CNTN3: variants seen among roughly 807,000 people sequenced by gnomAD.
CNTN3 encodes contactin 3.
CNTN3 carries 60 observed loss-of-function variants against 119.1 expected under a neutral mutation model. The observed-to-expected ratio is 0.50, with a 90% CI of 0.41 to 0.62. The LOEUF is 0.62. CNTN3 is among the 20% of genes least tolerant of loss of function. The probability of loss-of-function intolerance (pLI) is 0.00; values close to 1 mark genes in which losing one functional copy is unlikely to be tolerated. For synonymous variants in CNTN3, 450 were observed against 438.7 expected, an observed-to-expected ratio of 1.03 and a Z score of -0.32; for missense variants, 1,101 against 1,242.4, an observed-to-expected ratio of 0.89 and a Z score of 1.71.
At position 74,424,900 on chromosome 3, in the gene CNTN3, A is replaced by G. The variant is rs769022007; in HGVS notation, c.399T>C (p.Ser133=). 7.4e-6 allele frequency: 12 copies of G among 1,613,554 alleles called. No individual in the cohort carries two copies. The highest frequency in any genetic ancestry group is 1.3e-5 in the African/African-American group (1 of 74,938). ...NFKTKMRSTV[S]VREGQGVVLL... ...GCACAACTCCCTGGCCTTCACGCAC[A>G]GACACTGTACTCCTCATTTTGGTTT... Residue 133 remains serine (S), a synonymous_variant, in exon 5 of 23, where the codon TCT becomes TCC. Coordinates refer to ENST00000263665, the MANE Select transcript of CNTN3 (RefSeq NM_020872.3).
intron 19 of CNTN3, among the ~76,000 whole-genome samples, chr3:74,294,159 A>T (rs1224498106): frequency 1.3e-5 from 2 of 152,224 alleles, no homozygotes; most frequent in East Asian, 3.9e-4. Flanking sequence ...TCCTCAGGGA[A>T]GCTTGGAGGG....
chr3:74,504,673 C>T (rs1168426331), intron 2 of CNTN3, among the ~76,000 whole-genome samples: 2 of 152,128 alleles, frequency 1.3e-5, no homozygotes, highest in Admixed American at 1.3e-4. Flanking sequence ...GTGGCAGATG[C>T]TGCTGGTAGT....
At chr3:74,576,190 A>G (rs952955482) in intron 1 of CNTN3, among the ~76,000 whole-genome samples, 4 of 151,980 alleles carry the variant, frequency 2.6e-5, no homozygotes, top group Non-Finnish European at 2.9e-5. Context: ...ACAGTTGCAA[A>G]CTTTTCCTGG....
chr3:74,526,461 T>C (rs931357306), intron 1 of CNTN3, among the ~76,000 whole-genome samples: 1 of 151,854 alleles, frequency 6.6e-6, no homozygotes, highest in African/African-American at 2.4e-5. Flanking sequence ...TGTTCATTCA[T>C]AGTCACTCAC....
intron 11 of CNTN3, among the ~76,000 whole-genome samples, chr3:74,352,920 T>C (rs953554967): frequency 1.3e-5 from 2 of 152,094 alleles, no homozygotes; most frequent in African/African-American, 4.8e-5. Flanking sequence ...AGGGAACAAC[T>C]GTTTTGATGG....
At chr3:74,565,220 G>A (rs950655540) in intron 1 of CNTN3, among the ~76,000 whole-genome samples, 1 of 152,138 alleles carries the variant, frequency 6.6e-6, no homozygotes. Flanking sequence ...TGTCTTCTAG[G>A]CAAATTCAAG....
chr3:74,581,063 A>G (rs1462053425), intron 1 of CNTN3, among the ~76,000 whole-genome samples: 1 of 152,178 alleles, frequency 6.6e-6, no homozygotes, highest in Non-Finnish European at 1.5e-5. Flanking sequence ...CTTGTGCTCT[A>G]CCATCAGGAA....
intron 11 of CNTN3, among the ~76,000 whole-genome samples, chr3:74,346,434 A>ACTCT (rs886480880): frequency 6.6e-6 from 1 of 152,052 alleles, no homozygotes; most frequent in African/African-American, 2.4e-5. Context: ...AGGGTCAGAT[A>ACTCT]CTCTCATCTT....
At chr3:74,352,668 G>A (rs867729470) in intron 11 of CNTN3, among the ~76,000 whole-genome samples, 9 of 152,124 alleles carry the variant, frequency 5.9e-5, no homozygotes, top group Non-Finnish European at 1.0e-4. Context: ...ATAACAATAT[G>A]ATAAATTAGA....
At chr3:74,502,266 A>C (rs1703179219) in intron 2 of CNTN3, among the ~76,000 whole-genome samples, 1 of 152,104 alleles carries the variant, frequency 6.6e-6, no homozygotes, top group Non-Finnish European at 1.5e-5. Flanking sequence ...AGAGATAAGA[A>C]AGCAGTGGTT....
chr3:74,602,556 G>A (rs1437493189), intron 1 of CNTN3, among the ~76,000 whole-genome samples: 1 of 151,970 alleles, frequency 6.6e-6, no homozygotes, highest in East Asian at 1.9e-4. Context: ...TCTGCCATAA[G>A]CTGTAGAGAC....
intron 4 of CNTN3, among the ~76,000 whole-genome samples, chr3:74,456,298 A>T (rs1702268477): frequency 6.6e-6 from 1 of 152,088 alleles, no homozygotes; most frequent in Admixed American, 6.6e-5. Flanking sequence ...TTACTTTTAA[A>T]CTGCTTTACA....
chr3:74,339,092 C>A (rs993765222), intron 11 of CNTN3, among the ~76,000 whole-genome samples: 1 of 152,016 alleles, frequency 6.6e-6, no homozygotes, highest in Non-Finnish European at 1.5e-5. Context: ...AGAAACCCTG[C>A]AGAGAAGTAA....
At chr3:74,566,673 T>C (rs1245162033) in intron 1 of CNTN3, among the ~76,000 whole-genome samples, 1 of 152,162 alleles carries the variant, frequency 6.6e-6, no homozygotes, top group Non-Finnish European at 1.5e-5. Context: ...CCTAATCCAG[T>C]AAACTCATCT....
rs530440593 is a variant in CNTN3 at position 74,369,420 on chromosome 3, T to C, written c.762-47A>G. Reference sequence around the variant, plus strand: ...TGTCTGCTATTGTCTGGAAGCCTTTTCAACTTGAGAAAATAAAGCTTTTAA... The same window carrying C: ...TGTCTGCTATTGTCTGGAAGCCTTTCCAACTTGAGAAAATAAAGCTTTTAA... On this transcript the variant is annotated intron_variant, in intron 7 of 22. Transcript: ENST00000263665. 21 of 1,438,800 alleles carry C rather than the reference T, an allele frequency of 1.5e-5. No homozygotes were observed. In the East Asian group the frequency reaches 4.2e-4, roughly 29 times the overall value. 89.1% of individuals were successfully genotyped at this position (1,438,800 alleles called of 1,614,324 possible).
chr3:74,540,124 T>C (rs73839772), intron 1 of CNTN3, among the ~76,000 whole-genome samples: 2 of 152,104 alleles, frequency 1.3e-5, no homozygotes, highest in African/African-American at 4.8e-5. Flanking sequence ...AAGAAGTATA[T>C]AGCTGAAATA....
intron 5 of CNTN3, among the ~76,000 whole-genome samples, chr3:74,396,107 C>T (rs775671982): frequency 5.9e-5 from 9 of 152,094 alleles, no homozygotes; most frequent in South Asian, 2.1e-4. Context: ...CCCTATTTGC[C>T]GAGACATAAC....
chr3:74,318,312 C>T (rs565137207), intron 13 of CNTN3, among the ~76,000 whole-genome samples: 49 of 152,210 alleles, frequency 3.2e-4, no homozygotes, highest in Middle Eastern at 3.4e-3. Context: ...GTAGTTTGAT[C>T]GTCTGAAGTC....
chr3:74,387,825 T>C (rs1276796060), intron 5 of CNTN3, among the ~76,000 whole-genome samples: 2 of 152,180 alleles, frequency 1.3e-5, no homozygotes, highest in Admixed American at 6.5e-5. Context: ...CAGATATTAA[T>C]TGAAAATGAA....
Sources: gnomAD v4.1 joint callset for allele counts (sites outside exome capture counted in the v4.1 genomes callset) on GRCh38, gnomAD v4.1.1 for gene constraint, MANE v1.5 for transcripts, NCBI Gene and HGNC (gene_info 2026-07-23, HGNC 2026-07-21) for gene names.